The following SMYD3 variants were observed in gnomAD, a reference collection of about 807,000 sequenced individuals.
SMYD3 encodes the protein histone-lysine N-methyltransferase SMYD3.
SMYD3 carries 36 observed loss-of-function variants against 57.7 expected under a neutral mutation model. The observed-to-expected ratio is 0.62, with a 90% confidence interval of 0.48 to 0.82. SMYD3 has a LOEUF of 0.82. SMYD3 is among the 40% of genes least tolerant of loss of function. The pLI, the probability that SMYD3 is intolerant of heterozygous loss-of-function variation, is 0.00. For synonymous variants in SMYD3, 211 were observed against 195.0 expected, an observed-to-expected ratio of 1.08 and a Z score of -0.68; for missense variants, 515 against 538.8, an observed-to-expected ratio of 0.96 and a Z score of 0.44.
At position 245,921,547 on chromosome 1, in the gene SMYD3, G is replaced by GTA. The variant is rs1491323831; in HGVS notation, c.703-5908_703-5907insTA. On this transcript the variant is annotated intron_variant, in intron 7 of 11. Transcript: ENST00000490107. ...CATCAACAGTGAGCTAAAAAATGTG[G>GTA]TGTATATATATATATATATATATAC... is the stretch of plus-strand genomic sequence containing the variant. Among the ~76,000 whole-genome samples, 163 of 35,110 alleles carry GTA rather than the reference G, an allele frequency of 4.6e-3. 4 individuals carry two copies. The highest frequency in any genetic ancestry group is 8.6e-3 in the African/African-American group (134 of 15,528). 23.0% of individuals were successfully genotyped at this position (35,110 alleles called of 152,430 possible).
intron 5 of SMYD3, among the ~76,000 whole-genome samples, chr1:246,154,775 G>GT (rs1394841340): frequency 6.7e-6 from 1 of 148,996 alleles, no homozygotes; most frequent in Non-Finnish European, 1.5e-5. Flanking sequence ...TTTTTGTTTT[G>GT]TTTTTTGTTT....
intron 5 of SMYD3, among the ~76,000 whole-genome samples, chr1:246,213,605 A>G (rs1410370345): frequency 6.6e-6 from 1 of 152,130 alleles, no homozygotes; most frequent in African/African-American, 2.4e-5. Flanking sequence ...TGGTTTGTTC[A>G]CCCAACCTGC....
chr1:245,852,411 T>A (rs1167690030), intron 10 of SMYD3, among the ~76,000 whole-genome samples: 1 of 152,178 alleles, frequency 6.6e-6, no homozygotes. Context: ...AGCAAGGTGA[T>A]TAGGGCTAAA....
intron 1 of SMYD3, among the ~76,000 whole-genome samples, chr1:246,506,764 C>T (rs987654331): frequency 7.2e-5 from 11 of 152,358 alleles, no homozygotes; most frequent in Admixed American, 5.9e-4. Context: ...ACGCTTCCCC[C>T]TCAAGTCTGC....
chr1:246,143,525 G>A lies in SMYD3; in HGVS notation c.531+183676C>T, dbSNP rs192296786. Reference sequence around the variant, plus strand: ...CCACTAAAAATACAAAAAATCAGCCGGCTATAGAGGCATGTGGCTACGGTC... The same window carrying A: ...CCACTAAAAATACAAAAAATCAGCCAGCTATAGAGGCATGTGGCTACGGTC... On this transcript the variant is annotated intron_variant, in intron 5 of 11. Coordinates refer to ENST00000490107, the MANE Select transcript of SMYD3 (RefSeq NM_001167740.2). 3.1e-3 allele frequency among the ~76,000 whole-genome samples: 469 copies of A among 152,162 alleles called. 10 individuals carry two copies. Among genetic ancestry groups the A allele is most frequent in the Admixed American group, 0.028 (431 of 15,272 alleles).
At chr1:246,210,357 G>C (rs1243064180) in intron 5 of SMYD3, among the ~76,000 whole-genome samples, 1 of 152,154 alleles carries the variant, frequency 6.6e-6, no homozygotes, top group East Asian at 1.9e-4. Flanking sequence ...CCCTAAATAT[G>C]TGAGAACATA....
intron 5 of SMYD3, among the ~76,000 whole-genome samples, chr1:246,118,579 C>T (rs570910579): frequency 2.0e-5 from 3 of 152,306 alleles, no homozygotes; most frequent in Non-Finnish European, 4.4e-5. Flanking sequence ...GTGGCGTGTT[C>T]GTTTCTGCTG....
intron 11 of SMYD3, among the ~76,000 whole-genome samples, chr1:245,759,928 GGGTTGTCCTTGA>G: frequency 6.6e-6 from 1 of 152,326 alleles, no homozygotes; most frequent in East Asian, 1.9e-4. Context: ...CAGCCCAGAT[GGGTTGTCCTTGA>G]GGTCCAAGAA....
At chr1:245,797,561 A>T (rs2047588210) in intron 10 of SMYD3, among the ~76,000 whole-genome samples, 1 of 151,182 alleles carries the variant, frequency 6.6e-6, no homozygotes, top group Non-Finnish European at 1.5e-5. Flanking sequence ...GCATTAGGAG[A>T]TATACCTAAT....
intron 5 of SMYD3, among the ~76,000 whole-genome samples, chr1:246,295,167 A>T (rs1463945151): frequency 6.6e-6 from 1 of 152,088 alleles, no homozygotes; most frequent in Non-Finnish European, 1.5e-5. Flanking sequence ...GCAGCACCAG[A>T]ACCTAAGCAA....
At chr1:245,921,869 A>G (rs2055989366) in intron 7 of SMYD3, among the ~76,000 whole-genome samples, 1 of 151,912 alleles carries the variant, frequency 6.6e-6, no homozygotes, top group Non-Finnish European at 1.5e-5. Flanking sequence ...GGGGTGAAAA[A>G]CTGTTGGGTA....
At chr1:245,833,073 A>AAAAAAAAAAAAAACCACAAC in intron 10 of SMYD3, among the ~76,000 whole-genome samples, 1 of 128,652 alleles carries the variant, frequency 7.8e-6, no homozygotes, top group African/African-American at 3.0e-5. Flanking sequence ...AAAAAAAAAA[A>AAAAAAAAAAAAAACCACAAC]AACCTGCTTT....
At chr1:245,799,146 C>A (rs529917382) in intron 10 of SMYD3, among the ~76,000 whole-genome samples, 1 of 152,198 alleles carries the variant, frequency 6.6e-6, no homozygotes, top group African/African-American at 2.4e-5. Context: ...GCTCCTTATT[C>A]CTATTAGGTA....
At chr1:245,768,322 G>C (rs1271482427) in intron 10 of SMYD3, among the ~76,000 whole-genome samples, 1 of 152,180 alleles carries the variant, frequency 6.6e-6, no homozygotes, top group Non-Finnish European at 1.5e-5. Context: ...CTTTAACTCA[G>C]ACCCACAAGC....
chr1:245,851,902 A>C (rs10754480), intron 10 of SMYD3, among the ~76,000 whole-genome samples: 1 of 152,050 alleles, frequency 6.6e-6, no homozygotes, highest in Non-Finnish European at 1.5e-5. Flanking sequence ...CGGAAAGCAC[A>C]GGCTTTATGC....
chr1:246,294,799 A>T (rs2148601445), intron 5 of SMYD3, among the ~76,000 whole-genome samples: 2 of 152,264 alleles, frequency 1.3e-5, no homozygotes, highest in South Asian at 4.1e-4. Flanking sequence ...TGGTTTCACC[A>T]TGTTGGCCAA....
At chr1:245,875,012 C>T (rs1350717403) in intron 8 of SMYD3, among the ~76,000 whole-genome samples, 1 of 152,226 alleles carries the variant, frequency 6.6e-6, no homozygotes, top group Non-Finnish European at 1.5e-5. Flanking sequence ...GACTTAGACG[C>T]TCCTGCAAGC....
chr1:245,897,213 G>A (rs573091947), intron 8 of SMYD3, among the ~76,000 whole-genome samples: 1 of 152,350 alleles, frequency 6.6e-6, no homozygotes, highest in African/African-American at 2.4e-5. Flanking sequence ...AGCTGAACCA[G>A]TAAGCAGAAA....
In SMYD3 at chr1:246,328,916, C is replaced by A. The variant is rs201594933; in HGVS notation, c.394+1564G>T. The stretch of plus-strand genomic sequence containing the variant: ...CCATGTGTTCTCATTGTTCAATTCC[C>A]ACCTACGAGTGAGAATATGCGGTGT... On this transcript the variant is annotated intron_variant, in intron 4 of 11. Coordinates refer to ENST00000490107, the MANE Select transcript of SMYD3 (RefSeq NM_001167740.2). 1.9e-4 allele frequency among the ~76,000 whole-genome samples: 29 copies of A among 151,946 alleles called. No individual in the cohort carries two copies. In the East Asian group the frequency reaches 5.4e-3, roughly 28 times the overall value.
Sources: allele counts gnomAD v4.1 joint callset (sites outside exome capture counted in the v4.1 genomes callset), GRCh38; gene constraint gnomAD v4.1.1; transcripts MANE v1.5; gene names NCBI Gene and HGNC (gene_info 2026-07-23, HGNC 2026-07-21).